The following POU6F2 variants were observed in gnomAD, a reference collection of about 807,000 sequenced individuals.
POU6F2 encodes POU class 6 homeobox 2.
A neutral mutation model predicts 71.3 loss-of-function variants in POU6F2; 31 were observed. The observed-to-expected ratio is 0.43, with a 90% confidence interval of 0.33 to 0.59. The LOEUF is 0.59. Ranked by LOEUF, POU6F2 falls within the 20% of genes least tolerant of loss-of-function variation. The probability of loss-of-function intolerance (pLI) is 0.04; values close to 1 mark genes in which losing one functional copy is unlikely to be tolerated. For missense variants in POU6F2, 783 were observed against 856.8 expected (o/e 0.91, Z 1.07); for synonymous variants, 347 against 355.7 (o/e 0.98, Z 0.27).
chr7:39,004,496 A>T (rs1001513289), intron 1 of POU6F2, among the ~76,000 whole-genome samples: 8 of 152,318 alleles, frequency 5.3e-5, no homozygotes, highest in African/African-American at 1.9e-4. Context: ...AAGCCCAGTG[A>T]ATGAGCTGAC....
At chr7:39,093,824 G>C (rs1791401356) in intron 2 of POU6F2, among the ~76,000 whole-genome samples, 2 of 151,964 alleles carry the variant, frequency 1.3e-5, no homozygotes, top group Admixed American at 1.3e-4. Flanking sequence ...GGCACTGTGA[G>C]TGCACAGTGA....
intron 4 of POU6F2, among the ~76,000 whole-genome samples, chr7:39,214,906 C>T (rs1344883798): frequency 6.6e-6 from 1 of 152,098 alleles, no homozygotes; most frequent in Admixed American, 6.5e-5. Flanking sequence ...TGTGTGTGAG[C>T]GTGGCCATCA....
intron 5 of POU6F2, among the ~76,000 whole-genome samples, chr7:39,400,769 T>A (rs1038174214): frequency 6.6e-6 from 1 of 152,252 alleles, no homozygotes; most frequent in Non-Finnish European, 1.5e-5. Flanking sequence ...CTTCCAATTT[T>A]ACCATTAAGT....
chr7:39,460,920 C>T lies in POU6F2; in HGVS notation c.1658+205C>T, dbSNP rs1249453649. ...TTTGGGGGTCCTGGCTTGATAACTC[C>T]TGTCAACTCACAAAGAACTTCCAAG... On this transcript the variant is annotated intron_variant, in intron 9 of 9. Transcript: ENST00000518318. This position sits in a 1 kb window ranked among gnomAD's most constrained non-coding sequence, Gnocchi z 4.4. Among the ~76,000 whole-genome samples the T allele has an allele frequency of 2.0e-5, 3 of 152,128 alleles. No individual in the cohort carries two copies. Among genetic ancestry groups the T allele is most frequent in the African/African-American group, 7.2e-5 (3 of 41,424 alleles).
intron 2 of POU6F2, among the ~76,000 whole-genome samples, chr7:39,152,050 C>A (rs192814528): frequency 6.6e-6 from 1 of 152,328 alleles, no homozygotes; most frequent in East Asian, 1.9e-4. Context: ...ATTGTCCACA[C>A]TGCCTATTTA....
intron 4 of POU6F2, among the ~76,000 whole-genome samples, chr7:39,304,753 T>A (rs1785018948): frequency 6.6e-6 from 1 of 152,222 alleles, no homozygotes; most frequent in Non-Finnish European, 1.5e-5. Context: ...AATTTTTTGG[T>A]ATCTTGCAGA....
intron 5 of POU6F2, among the ~76,000 whole-genome samples, chr7:39,371,254 A>G (rs1786602339): frequency 6.6e-6 from 1 of 150,974 alleles, no homozygotes; most frequent in South Asian, 2.1e-4. Flanking sequence ...ATCTTGGCTC[A>G]CTGCAACCTC....
At chr7:39,111,135 A>T (rs1250303673) in intron 2 of POU6F2, among the ~76,000 whole-genome samples, 1 of 152,186 alleles carries the variant, frequency 6.6e-6, no homozygotes, top group Non-Finnish European at 1.5e-5. Context: ...AATTACCACT[A>T]CACAATTGGT....
chr7:39,441,953 A>C (rs1263344025), intron 7 of POU6F2, among the ~76,000 whole-genome samples: 1 of 152,212 alleles, frequency 6.6e-6, no homozygotes, highest in Admixed American at 6.5e-5. Flanking sequence ...ATAAAATATA[A>C]AGAGAAGGGA....
chr7:39,212,448 AG>A (rs1373258805), intron 4 of POU6F2, among the ~76,000 whole-genome samples: 1 of 152,226 alleles, frequency 6.6e-6, no homozygotes, highest in Non-Finnish European at 1.5e-5. Flanking sequence ...CAGAGCATTC[AG>A]ATGAGATCTA....
chr7:38,998,796 C>T lies in POU6F2; in HGVS notation c.105+20738C>T, dbSNP rs1788813500. Among the ~76,000 whole-genome samples, 4 of 150,656 alleles carry T rather than the reference C, an allele frequency of 2.7e-5. No homozygotes were observed. The East Asian group carries it at 7.8e-4, about 29-fold the overall frequency. On this transcript the variant is annotated intron_variant, in intron 1 of 9. Transcript: ENST00000518318. ...TCCCAAGTAGCTGGGACTACAGGCG[C>T]CTGCCACCACACCCGGCTAATTTTT...
chr7:39,333,172 A>G (rs1356949391), intron 4 of POU6F2, among the ~76,000 whole-genome samples: 3 of 152,112 alleles, frequency 2.0e-5, no homozygotes, highest in Admixed American at 1.3e-4. Flanking sequence ...TAGCTTCTAC[A>G]TTCTACTTTA....
chr7:39,292,189 C>T (rs920416807), intron 4 of POU6F2, among the ~76,000 whole-genome samples: 8 of 152,210 alleles, frequency 5.3e-5, no homozygotes, highest in Non-Finnish European at 1.5e-5. Flanking sequence ...TTCCACCCGG[C>T]GCCGGGCTAG....
intron 9 of POU6F2, among the ~76,000 whole-genome samples, chr7:39,462,127 A>T (rs1376842896): frequency 6.6e-6 from 1 of 152,224 alleles, no homozygotes; most frequent in South Asian, 2.1e-4. Flanking sequence ...CTAATGTTTA[A>T]CTCATACACT....
intron 8 of POU6F2, among the ~76,000 whole-genome samples, chr7:39,457,301 G>A (rs1788828494): frequency 6.6e-6 from 1 of 152,192 alleles, no homozygotes; most frequent in Non-Finnish European, 1.5e-5. Context: ...TTAAAGACCT[G>A]CCCCTCACAT....
chr7:39,131,619 G>A (rs1274846753), intron 2 of POU6F2, among the ~76,000 whole-genome samples: 1 of 152,172 alleles, frequency 6.6e-6, no homozygotes, highest in Non-Finnish European at 1.5e-5. Flanking sequence ...CCTTCTTAAA[G>A]AGCTAGACCC....
At chr7:39,291,536 T>C (rs1206585779) in intron 4 of POU6F2, among the ~76,000 whole-genome samples, 1 of 152,262 alleles carries the variant, frequency 6.6e-6, no homozygotes, top group Non-Finnish European at 1.5e-5. Context: ...TTTTTGTTCA[T>C]TCAAACATTT....
At chr7:39,058,462 A>G (rs946687375) in intron 1 of POU6F2, among the ~76,000 whole-genome samples, 12 of 152,196 alleles carry the variant, frequency 7.9e-5, no homozygotes, top group African/African-American at 2.4e-4. Flanking sequence ...ACACATTTCC[A>G]TAGTGATCCT....
rs182334107 is a variant in POU6F2 at position 39,419,341 on chromosome 7, C to T, written c.1113+12601C>T. ...GCAACCTCTGCCTGCTAGGTTCAAG[C>T]GATTCTCCTGCCTCAGTCTCCTGAG... is the stretch of plus-strand genomic sequence containing the variant. On this transcript the variant is annotated intron_variant, in intron 6 of 9. Coordinates refer to ENST00000518318, the MANE Select transcript of POU6F2 (RefSeq NM_001370959.1). 2.8e-4 allele frequency among the ~76,000 whole-genome samples: 42 copies of T among 151,760 alleles called. No homozygotes were observed. The East Asian group carries it at 4.3e-3, about 16-fold the overall frequency.
Sources: gnomAD v4.1 joint callset for allele counts (sites outside exome capture counted in the v4.1 genomes callset) on GRCh38, gnomAD v4.1.1 for gene constraint, Gnocchi (gnomAD v3.1) non-coding constraint, MANE v1.5 for transcripts, NCBI Gene and HGNC (gene_info 2026-07-23, HGNC 2026-07-21) for gene names.